PKNOX2: variants seen among roughly 807,000 people sequenced by gnomAD.
PKNOX2 encodes the protein homeobox protein PKNOX2.
PKNOX2 carries 14 observed loss-of-function variants against 53.1 expected under a neutral mutation model. The observed-to-expected ratio is 0.26, with a 90% CI of 0.17 to 0.41. The LOEUF (loss-of-function observed/expected upper bound fraction) is 0.41, where lower values mean the gene tolerates loss of function less well. Ranked by LOEUF, PKNOX2 falls within the 10% of genes least tolerant of loss-of-function variation. The pLI is 1.00. For missense variants in PKNOX2, 496 were observed against 602.8 expected (o/e 0.82, Z 1.85); for synonymous variants, 257 against 242.8 (o/e 1.06, Z -0.54).
intron 2 of PKNOX2, among the ~76,000 whole-genome samples, chr11:125,296,087 C>T (rs1353186979): frequency 6.6e-6 from 1 of 152,190 alleles, no homozygotes; most frequent in Non-Finnish European, 1.5e-5. Flanking sequence ...AGCTTATTTC[C>T]TCTTCACTGT....
chr11:125,313,644 GC>G (rs1948966415), intron 2 of PKNOX2, among the ~76,000 whole-genome samples: 1 of 152,194 alleles, frequency 6.6e-6, no homozygotes, highest in African/African-American at 2.4e-5. Flanking sequence ...TCCTGTCCAT[GC>G]CCTTTCCTAG....
chr11:125,300,787 C>A (rs966334372), intron 2 of PKNOX2, among the ~76,000 whole-genome samples: 1 of 152,084 alleles, frequency 6.6e-6, no homozygotes, highest in East Asian at 1.9e-4. Context: ...TGCATTTTTT[C>A]CTCTATAGGG....
intron 12 of PKNOX2, among the ~76,000 whole-genome samples, chr11:125,430,342 T>C (rs908980036): frequency 6.6e-6 from 1 of 152,162 alleles, no homozygotes; most frequent in Non-Finnish European, 1.5e-5. Context: ...TGCACTCTCA[T>C]AAAGAAAAGC....
At chr11:125,291,159 C>A (rs1281999979) in intron 2 of PKNOX2, among the ~76,000 whole-genome samples, 1 of 152,188 alleles carries the variant, frequency 6.6e-6, no homozygotes, top group Non-Finnish European at 1.5e-5. Flanking sequence ...AGACTTCAAT[C>A]AATTGTCATC....
chr11:125,181,133 C>G (rs1956135516), intron 1 of PKNOX2, among the ~76,000 whole-genome samples: 1 of 152,222 alleles, frequency 6.6e-6, no homozygotes, highest in Non-Finnish European at 1.5e-5. Flanking sequence ...CACTATGACT[C>G]TATGGGGATG....
chr11:125,243,461 C>T (rs11219984), intron 2 of PKNOX2, among the ~76,000 whole-genome samples: 33,221 of 152,090 alleles, frequency 0.22, 3,948 homozygotes, highest in East Asian at 0.48. Context: ...CTCCATGTCT[C>T]GTTATCTTTG....
At chr11:125,385,245 G>A (rs1259803760) in intron 5 of PKNOX2, among the ~76,000 whole-genome samples, 1 of 152,172 alleles carries the variant, frequency 6.6e-6, no homozygotes, top group Non-Finnish European at 1.5e-5. Flanking sequence ...CTACTTCTTG[G>A]AAGGTTTATA....
At position 125,166,992 on chromosome 11, in the gene PKNOX2, C is replaced by T. The variant is rs1052515391; in HGVS notation, c.-201+2216C>T. On this transcript the variant is annotated intron_variant, in intron 1 of 12. Coordinates refer to ENST00000298282, the MANE Select transcript of PKNOX2 (RefSeq NM_001382323.2). The surrounding 1 kb of genome is among the most constrained non-coding windows in gnomAD (Gnocchi z 4.0). ...ACCCAAAGCCCCTGCCCTTGCCCTC[C>T]TGCTCTCTCTGCCGTTCTGGCCTTC... Among the ~76,000 whole-genome samples, 9 of 152,260 alleles carry T rather than the reference C, an allele frequency of 5.9e-5. No homozygotes were observed. The highest frequency in any genetic ancestry group is 3.3e-4 in the Admixed American group (5 of 15,302).
rs372762607 is a variant in PKNOX2, at chr11:125,366,423, C to A, written c.88-1423C>A. 7.2e-5 allele frequency among the ~76,000 whole-genome samples: 11 copies of A among 152,342 alleles called. No individual in the cohort carries two copies. The East Asian group carries it at 2.1e-3, about 29-fold the overall frequency. On this transcript the variant is annotated intron_variant, in intron 4 of 12. Transcript: ENST00000298282. ...ATTCACCACCCATCATTCATCTATT[C>A]ATTGATTCAACAAATATTTATTGAA...
chr11:125,232,980 T>C (rs2135557516), intron 1 of PKNOX2, among the ~76,000 whole-genome samples: 1 of 152,262 alleles, frequency 6.6e-6, no homozygotes, highest in African/African-American at 2.4e-5. Flanking sequence ...GAAAAAAAAG[T>C]GGGTTTGCAC....
chr11:125,299,478 G>A (rs748535663), intron 2 of PKNOX2, among the ~76,000 whole-genome samples: 3 of 152,138 alleles, frequency 2.0e-5, no homozygotes, highest in South Asian at 4.1e-4. Context: ...TGAGGCCAGG[G>A]AAGGGCGGGG....
rs1400715804 is a variant in PKNOX2, at chr11:125,183,233, G to A, written c.-201+18457G>A. ...TTTTTTTTTTTTTTTTTTTTGAGACGGAGTCTCACTCTGTCGCCCAGGTCG... is the reference window on the plus strand; with the variant it reads ...TTTTTTTTTTTTTTTTTTTTGAGACAGAGTCTCACTCTGTCGCCCAGGTCG... On this transcript the variant is annotated intron_variant, in intron 1 of 12. Transcript: ENST00000298282. 4.0e-5 allele frequency among the ~76,000 whole-genome samples: 4 copies of A among 99,258 alleles called. 1 individual carries two copies. Among genetic ancestry groups the A allele is most frequent in the African/African-American group, 8.5e-5 (2 of 23,588 alleles). The allele number at this position is 99,258 out of a possible 152,430, so 65.1% of individuals were successfully genotyped here. A position where few individuals can be genotyped will look rare whatever the true frequency, so the allele number is the denominator to read the frequency against.
intron 1 of PKNOX2, among the ~76,000 whole-genome samples, chr11:125,174,596 C>T (rs367797281): frequency 6.6e-6 from 1 of 152,146 alleles, no homozygotes; most frequent in Non-Finnish European, 1.5e-5. Flanking sequence ...ACACCTAGCC[C>T]AGCAGTGGGA....
intron 2 of PKNOX2, among the ~76,000 whole-genome samples, chr11:125,309,387 ATTTTT>A (rs67761552): frequency 7.4e-6 from 1 of 135,252 alleles, no homozygotes; most frequent in Non-Finnish European, 1.6e-5. Context: ...AACAGTACCA[ATTTTT>A]TTTTTTTTTT....
chr11:125,339,764 C>T (rs942115359), intron 3 of PKNOX2, among the ~76,000 whole-genome samples: 2 of 152,250 alleles, frequency 1.3e-5, no homozygotes, highest in Non-Finnish European at 2.9e-5. Context: ...TTCGTATGTG[C>T]CCCATGCGTT....
chr11:125,390,604 T>C (rs1383868865), intron 6 of PKNOX2, among the ~76,000 whole-genome samples: 1 of 152,252 alleles, frequency 6.6e-6, no homozygotes, highest in Non-Finnish European at 1.5e-5. Context: ...TCTTCTTTGC[T>C]GTTTAATTCT....
intron 1 of PKNOX2, among the ~76,000 whole-genome samples, chr11:125,180,750 G>A (rs1198425383): frequency 2.0e-5 from 3 of 152,234 alleles, no homozygotes; most frequent in Admixed American, 1.3e-4. Flanking sequence ...CATGGCCTGA[G>A]GGGCTGTAAT....
chr11:125,323,189 T>A (rs1949627542), intron 2 of PKNOX2, among the ~76,000 whole-genome samples: 1 of 152,048 alleles, frequency 6.6e-6, no homozygotes, highest in Non-Finnish European at 1.5e-5. Context: ...GCCAATTTTG[T>A]AAGTACAGGG....
intron 10 of PKNOX2, among the ~76,000 whole-genome samples, chr11:125,415,234 CTTTTTTT>C (rs35920181): frequency 2.6e-5 from 2 of 77,586 alleles, no homozygotes; most frequent in Non-Finnish European, 2.5e-5. Context: ...TAAAGTTTAG[CTTTTTTT>C]TTTTTTTTTT....
Sources: gnomAD v4.1 joint callset for allele counts (sites outside exome capture counted in the v4.1 genomes callset) on GRCh38, gnomAD v4.1.1 for gene constraint, Gnocchi (gnomAD v3.1) non-coding constraint, MANE v1.5 for transcripts, NCBI Gene and HGNC (gene_info 2026-07-23, HGNC 2026-07-21) for gene names.